The following SEMA3E variants were observed in gnomAD, a reference collection of about 807,000 sequenced individuals.
SEMA3E encodes semaphorin-3E.
Under a neutral mutation model 93.6 loss-of-function variants are expected in SEMA3E, and 49 were observed. The observed-to-expected ratio is 0.52, with a 90% CI of 0.42 to 0.66. The LOEUF (loss-of-function observed/expected upper bound fraction) is 0.66. Among genes scored for constraint, SEMA3E ranks in the 30% least tolerant of loss-of-function variants. The pLI, the probability that SEMA3E is intolerant of heterozygous loss-of-function variation, is 0.00. For synonymous variants in SEMA3E, 363 were observed against 330.7 expected, an observed-to-expected ratio of 1.10 and a Z score of -1.06; for missense variants, 906 against 964.8, an observed-to-expected ratio of 0.94 and a Z score of 0.81.
intron 1 of SEMA3E, among the ~76,000 whole-genome samples, chr7:83,576,669 A>G (rs1484619701): frequency 6.6e-6 from 1 of 152,260 alleles, no homozygotes; most frequent in Admixed American, 6.5e-5. Flanking sequence ...TCTGTTGTCC[A>G]GGCTGGAGTG....
intron 14 of SEMA3E, among the ~76,000 whole-genome samples, chr7:83,389,695 CAT>C (rs1787955588): frequency 1.3e-5 from 2 of 149,138 alleles, no homozygotes; most frequent in African/African-American, 4.9e-5. Flanking sequence ...TACATGTATA[CAT>C]ACACACATAT....
intron 10 of SEMA3E, among the ~76,000 whole-genome samples, chr7:83,401,918 C>T (rs74585637): frequency 0.024 from 3,652 of 152,084 alleles, 142 homozygotes; most frequent in African/African-American, 0.083. Flanking sequence ...ATGAATGATA[C>T]AAAATCATCA....
intron 1 of SEMA3E, among the ~76,000 whole-genome samples, chr7:83,509,869 T>C (rs1351499775): frequency 3.3e-5 from 5 of 152,216 alleles, no homozygotes; most frequent in African/African-American, 1.2e-4. Context: ...TAGTATTTAC[T>C]TAGTCCCTGG....
intron 1 of SEMA3E, among the ~76,000 whole-genome samples, chr7:83,573,226 A>T: frequency 6.6e-6 from 1 of 152,300 alleles, no homozygotes; most frequent in South Asian, 2.1e-4. Context: ...AATTAAAAAT[A>T]GATAAAATAC....
chr7:83,508,428 A>G (rs1790748240), intron 1 of SEMA3E, among the ~76,000 whole-genome samples: 1 of 151,736 alleles, frequency 6.6e-6, no homozygotes, highest in African/African-American at 2.4e-5. Context: ...ACACCCGGCT[A>G]ATTTTGTGTT....
At position 83,385,308 on chromosome 7, in the gene SEMA3E, TCTCACGTCC is replaced by T. The variant is rs1787855454; in HGVS notation, c.1852_1860del (p.Gly618_Glu620del). The T allele has an allele frequency of 6.2e-7, 1 of 1,613,338 alleles. No individual in the cohort carries two copies. The highest frequency in any genetic ancestry group is 8.5e-7 in the Non-Finnish European group (1 of 1,179,472). On this transcript the variant is annotated inframe_deletion, in exon 16 of 17. Coordinates refer to ENST00000643230, the MANE Select transcript of SEMA3E (RefSeq NM_012431.3). Reference sequence around the variant, plus strand: ...CTATGAATTACCTCCTCTTTTCTTGTCTCACGTCCTTTCTGTACAAACCAGATAACTTTC... The same window carrying T: ...CTATGAATTACCTCCTCTTTTCTTGTTTTCTGTACAAACCAGATAACTTTC...
chr7:83,463,825 AG>A (rs1405578693), intron 4 of SEMA3E, among the ~76,000 whole-genome samples: 1 of 152,224 alleles, frequency 6.6e-6, no homozygotes, highest in African/African-American at 2.4e-5. Flanking sequence ...GGGATTATTC[AG>A]GCCCCCTCCC....
chr7:83,423,981 T>C (rs1490388652), intron 4 of SEMA3E, among the ~76,000 whole-genome samples: 1 of 152,182 alleles, frequency 6.6e-6, no homozygotes, highest in African/African-American at 2.4e-5. Context: ...TTTTGCAGAT[T>C]ATAATTTATT....
rs577586717 is a variant in SEMA3E, at chr7:83,558,508, CAG to C, written c.116-68236_116-68235del. On this transcript the variant is annotated intron_variant, in intron 1 of 16. Coordinates refer to ENST00000643230, the MANE Select transcript of SEMA3E (RefSeq NM_012431.3). ...AAACTGTGTCATTTCAGGAGGAAAA[CAG>C]AAATAAACATCCATTTTTCAAAAAG... Among the ~76,000 whole-genome samples the C allele has an allele frequency of 4.6e-5, 7 of 151,930 alleles. No individual in the cohort carries two copies. In the East Asian group the frequency reaches 1.2e-3, roughly 25 times the overall value.
intron 5 of SEMA3E, among the ~76,000 whole-genome samples, chr7:83,411,363 G>A (rs920240852): frequency 2.6e-5 from 4 of 151,960 alleles, no homozygotes; most frequent in African/African-American, 9.7e-5. Flanking sequence ...CACTATATAG[G>A]TGCTAAAAAC....
chr7:83,406,523 CCA>C (rs1484619925), intron 7 of SEMA3E, among the ~76,000 whole-genome samples: 2 of 151,714 alleles, frequency 1.3e-5, no homozygotes, highest in Non-Finnish European at 2.9e-5. Context: ...TATACATACA[CCA>C]CACACACAAT....
At chr7:83,648,375 T>A (rs1321348978) in intron 1 of SEMA3E, 53 bp downstream of exon 1, 1 of 1,372,736 alleles carries the variant, frequency 7.3e-7, no homozygotes, top group Non-Finnish European at 1.0e-6. Context: ...TTTTTCTTTT[T>A]TCTTTTTCTT....
At chr7:83,625,633 C>T (rs1188382706) in intron 1 of SEMA3E, among the ~76,000 whole-genome samples, 3 of 152,072 alleles carry the variant, frequency 2.0e-5, no homozygotes, top group Non-Finnish European at 2.9e-5. Context: ...TCTAAATATA[C>T]AATCATGTCA....
chr7:83,499,395 T>A (rs1191675943), intron 1 of SEMA3E, among the ~76,000 whole-genome samples: 1 of 152,126 alleles, frequency 6.6e-6, no homozygotes, highest in Non-Finnish European at 1.5e-5. Context: ...GTAATTAAAG[T>A]TTAGGGTGTT....
intron 5 of SEMA3E, 89 bp from the exon 6 acceptor site, chr7:83,408,576 A>G: frequency 1.5e-6 from 2 of 1,334,564 alleles, no homozygotes; most frequent in Non-Finnish European, 2.1e-6. Flanking sequence ...TGTATCTATA[A>G]TATGTACTTT....
At position 83,366,799 on chromosome 7, in the gene SEMA3E, A is replaced by G. The variant is rs1428079904; in HGVS notation, c.*787T>C. The G allele has an allele frequency of 6.6e-6, 1 of 152,190 alleles. No individual in the cohort carries two copies. Among genetic ancestry groups the G allele is most frequent in the Non-Finnish European group, 1.5e-5 (1 of 68,010 alleles). 9.4% of individuals were successfully genotyped at this position (152,190 alleles called of 1,614,324 possible). ...GTAGAGAAAAAAGAAATGTGTGAGAATATAATTTTTTTTACCACAAGAGGG... is the reference window on the plus strand; with the variant it reads ...GTAGAGAAAAAAGAAATGTGTGAGAGTATAATTTTTTTTACCACAAGAGGG... On this transcript the variant is annotated 3_prime_UTR_variant, in exon 17 of 17. Transcript: ENST00000643230.
intron 3 of SEMA3E, among the ~76,000 whole-genome samples, chr7:83,468,018 C>A (rs959358637): frequency 6.6e-6 from 1 of 152,182 alleles, no homozygotes; most frequent in Non-Finnish European, 1.5e-5. Context: ...AAATACTAAA[C>A]TCTTTTAGTG....
chr7:83,377,247 C>G lies in SEMA3E; in HGVS notation c.1875+8047G>C, dbSNP rs1584201858. 2.0e-5 allele frequency among the ~76,000 whole-genome samples: 3 copies of G among 152,166 alleles called. No homozygotes were observed. In the South Asian group the frequency reaches 6.2e-4, roughly 32 times the overall value. On this transcript the variant is annotated intron_variant, in intron 16 of 16. Transcript: ENST00000643230. ...AGTTTCAGAACAAAGTGAGAGCTAACTTTTGCACAAAAAGACTTTTTCCCC... is the reference window on the plus strand; with the variant it reads ...AGTTTCAGAACAAAGTGAGAGCTAAGTTTTGCACAAAAAGACTTTTTCCCC...
intron 5 of SEMA3E, among the ~76,000 whole-genome samples, chr7:83,412,808 A>C (rs1323182101): frequency 6.6e-6 from 1 of 151,770 alleles, no homozygotes; most frequent in Non-Finnish European, 1.5e-5. Flanking sequence ...ACTTTTAAAA[A>C]CTGTTTCAGA....
Sources: gnomAD v4.1 joint callset for allele counts (sites outside exome capture counted in the v4.1 genomes callset) on GRCh38, gnomAD v4.1.1 for gene constraint, MANE v1.5 for transcripts, NCBI Gene and HGNC (gene_info 2026-07-23, HGNC 2026-07-21) for gene names.